The following CLINT1 variants were observed in gnomAD, a reference collection of about 807,000 sequenced individuals.
CLINT1 encodes the protein clathrin interactor 1.
Under a neutral mutation model 70.4 loss-of-function variants are expected in CLINT1, and 15 were observed. That is an observed-to-expected ratio of 0.21 (90% CI 0.14 to 0.33). The LOEUF is 0.33. Ranked by LOEUF, CLINT1 falls within the 10% of genes least tolerant of loss-of-function variation. The pLI, the probability that CLINT1 is intolerant of heterozygous loss-of-function variation, is 1.00. For missense variants in CLINT1, 615 were observed against 778.1 expected (o/e 0.79, Z 2.49); for synonymous variants, 227 against 254.7 (o/e 0.89, Z 1.04).
rs1561631922 is a variant in CLINT1 at position 157,787,392 on chromosome 5, A to G, written c.*254T>C. ...ACTCTTCAGTTGATAAAGGCTTTCA[A>G]TGGTCTCACCACCCACTTGTGGTCT... is the stretch of plus-strand genomic sequence containing the variant. On this transcript the variant is annotated 3_prime_UTR_variant, in exon 12 of 12. Coordinates refer to ENST00000411809, the MANE Select transcript of CLINT1 (RefSeq NM_014666.4). 2 of 501,128 alleles carry G rather than the reference A, an allele frequency of 4.0e-6. No homozygotes were observed. Among genetic ancestry groups the G allele is most frequent in the Non-Finnish European group, 7.1e-6 (2 of 282,704 alleles). The allele number at this position is 501,128 out of a possible 1,614,324, so 31.0% of individuals were successfully genotyped here.
chr5:157,821,166 AATTATC>A (rs1275590120), intron 1 of CLINT1, among the ~76,000 whole-genome samples: 2 of 150,876 alleles, frequency 1.3e-5, no homozygotes, highest in African/African-American at 2.5e-5. Flanking sequence ...CCTTTCATGT[AATTATC>A]ATTATAACAC....
At chr5:157,815,636 A>G (rs1762696719) in intron 3 of CLINT1, among the ~76,000 whole-genome samples, 1 of 152,200 alleles carries the variant, frequency 6.6e-6, no homozygotes, top group African/African-American at 2.4e-5. Flanking sequence ...GCCATGTGTC[A>G]CTTAATGATG....
At chr5:157,818,523 C>A (rs1762788726) in intron 1 of CLINT1, among the ~76,000 whole-genome samples, 1 of 148,074 alleles carries the variant, frequency 6.8e-6, no homozygotes, top group Non-Finnish European at 1.5e-5. Context: ...TTGGCATGCA[C>A]CTGTAGTCCC....
intron 1 of CLINT1, among the ~76,000 whole-genome samples, chr5:157,853,326 G>C (rs756413639): frequency 1.3e-4 from 20 of 149,832 alleles, no homozygotes; most frequent in Admixed American, 3.3e-4. Flanking sequence ...CTGGGAGACA[G>C]AGCAAGACTC....
intron 1 of CLINT1, among the ~76,000 whole-genome samples, chr5:157,844,387 A>G (rs548336926): frequency 2.1e-4 from 32 of 152,240 alleles, no homozygotes; most frequent in Admixed American, 1.2e-3. Context: ...TCTATTTTTC[A>G]TGCAGTTTTC....
chr5:157,804,833 A>T (rs1269684266), intron 7 of CLINT1, among the ~76,000 whole-genome samples: 4 of 152,108 alleles, frequency 2.6e-5, no homozygotes, highest in African/African-American at 7.2e-5. Context: ...AGGCTGAGGC[A>T]GGAGAATCAC....
At chr5:157,811,713 C>T (rs973790396) in intron 5 of CLINT1, among the ~76,000 whole-genome samples, 3 of 151,996 alleles carry the variant, frequency 2.0e-5, no homozygotes, top group Non-Finnish European at 2.9e-5. Context: ...AGTTTGAAAA[C>T]GTATTCAATT....
At chr5:157,801,463 T>C (rs543339606) in intron 8 of CLINT1, among the ~76,000 whole-genome samples, 3 of 151,826 alleles carry the variant, frequency 2.0e-5, no homozygotes, top group South Asian at 2.1e-4. Flanking sequence ...GTCAAGACTG[T>C]GTACTGCACT....
chr5:157,841,632 C>A (rs1159249378), intron 1 of CLINT1, among the ~76,000 whole-genome samples: 1 of 151,450 alleles, frequency 6.6e-6, no homozygotes, highest in Non-Finnish European at 1.5e-5. Flanking sequence ...CATTTTTTTT[C>A]GGGTTTTTTG....
intron 1 of CLINT1, 56 bp downstream of exon 1, chr5:157,858,874 T>TCCCCCCCCCCC: frequency 2.1e-6 from 2 of 957,434 alleles, no homozygotes; most frequent in African/African-American, 1.8e-5. Flanking sequence ...CAGCTCCTTC[T>TCCCCCCCCCCC]CCCCCTCCCC....
chr5:157,791,638 A>C (rs1007417692), intron 10 of CLINT1, 65 bp downstream of exon 10: 1 of 1,414,760 alleles, frequency 7.1e-7, no homozygotes, highest in African/African-American at 1.4e-5. Context: ...CTAATCTATC[A>C]TTCAATGAGT....
chr5:157,856,905 T>G (rs761161470), intron 1 of CLINT1, among the ~76,000 whole-genome samples: 9 of 152,184 alleles, frequency 5.9e-5, no homozygotes, highest in Non-Finnish European at 2.9e-5. Context: ...CTAAAGCACG[T>G]GAAGATTAGT....
chr5:157,787,775 TATGTTC>T lies in CLINT1; in HGVS notation c.1743_1748del (p.Met581_Asn582del), dbSNP rs1561632377. 4 of 1,613,922 alleles carry T rather than the reference TATGTTC, an allele frequency of 2.5e-6. No individual in the cohort carries two copies. Among genetic ancestry groups the T allele is most frequent in the African/African-American group, 1.3e-5 (1 of 74,938 alleles). The stretch of plus-strand genomic sequence containing the variant: ...AGCCCATCCCAGCAGCGGACATCCC[TATGTTC>T]ATGTTCATGCCCATCATGCTCTGGT... On this transcript the variant is annotated inframe_deletion, in exon 12 of 12. Coordinates refer to ENST00000411809, the MANE Select transcript of CLINT1 (RefSeq NM_014666.4).
intron 1 of CLINT1, among the ~76,000 whole-genome samples, chr5:157,853,073 G>A (rs890725270): frequency 8.5e-5 from 13 of 152,190 alleles, no homozygotes; most frequent in African/African-American, 3.1e-4. Context: ...AAAGGCCAGA[G>A]GCAATGGCTC....
chr5:157,853,004 G>T lies in CLINT1; in HGVS notation c.41+5926C>A, dbSNP rs146490644. On this transcript the variant is annotated intron_variant, in intron 1 of 11. Transcript: ENST00000411809. ...TACTAAAAATGTACTTTGAATCTGTGAAGTGATCTTCATTAAAACAAACAT... is the reference window on the plus strand; with the variant it reads ...TACTAAAAATGTACTTTGAATCTGTTAAGTGATCTTCATTAAAACAAACAT... Among the ~76,000 whole-genome samples the T allele has an allele frequency of 7.2e-5, 11 of 152,276 alleles. No individual in the cohort carries two copies. In the East Asian group the frequency reaches 1.5e-3, roughly 21 times the overall value.
rs557429236 is a variant in CLINT1, at chr5:157,795,146, C to T, written c.1013-174G>A. 4.8e-5 allele frequency: 29 copies of T among 602,444 alleles called. No individual in the cohort carries two copies. The African/African-American group carries it at 4.8e-4, about 10-fold the overall frequency. 37.3% of individuals were successfully genotyped at this position (602,444 alleles called of 1,614,324 possible). ...TTCATGTCACTATGTTCCCTATGAG[C>T]TACCATAGACTCTTTTCCCTTCCTC... On this transcript the variant is annotated intron_variant, in intron 8 of 11. Coordinates refer to ENST00000411809, the MANE Select transcript of CLINT1 (RefSeq NM_014666.4).
At position 157,806,992 on chromosome 5, in the gene CLINT1, G is replaced by A. The variant is rs867885802; in HGVS notation, c.696-880C>T. Reference sequence around the variant, plus strand: ...AGAGAGAGAGAGAGAGAGAGAGAGCGAAAGAGAGAGAAAGAGAGAAATGTT... The same window carrying A: ...AGAGAGAGAGAGAGAGAGAGAGAGCAAAAGAGAGAGAAAGAGAGAAATGTT... On this transcript the variant is annotated intron_variant, in intron 6 of 11. Transcript: ENST00000411809. Among the ~76,000 whole-genome samples the A allele has an allele frequency of 6.0e-5, 9 of 149,180 alleles. No individual in the cohort carries two copies. The South Asian group carries it at 1.1e-3, about 18-fold the overall frequency.
At chr5:157,854,163 A>T (rs1315750774) in intron 1 of CLINT1, among the ~76,000 whole-genome samples, 1 of 152,242 alleles carries the variant, frequency 6.6e-6, no homozygotes, top group East Asian at 1.9e-4. Context: ...CTGGTAAGAT[A>T]AAGAAAATAA....
At chr5:157,808,277 AAC>A (rs548053524) in intron 6 of CLINT1, among the ~76,000 whole-genome samples, 105 of 152,216 alleles carry the variant, frequency 6.9e-4, no homozygotes, top group Non-Finnish European at 1.2e-3. Flanking sequence ...AAGATATGAA[AAC>A]ATCCTAAAAA....
Sources: allele counts gnomAD v4.1 joint callset (sites outside exome capture counted in the v4.1 genomes callset), GRCh38; gene constraint gnomAD v4.1.1; transcripts MANE v1.5; gene names NCBI Gene and HGNC (gene_info 2026-07-23, HGNC 2026-07-21).